AVEN: variants seen among roughly 807,000 people sequenced by gnomAD.
AVEN encodes cell death regulator Aven.
A neutral mutation model predicts 38.1 loss-of-function variants in AVEN; 41 were observed. That is an observed-to-expected ratio of 1.08 (90% CI 0.84 to 1.40). AVEN has a LOEUF of 1.40. AVEN is among the 40% of genes most tolerant of loss of function. The probability of loss-of-function intolerance (pLI) is 0.00; values close to 1 mark genes in which losing one functional copy is unlikely to be tolerated. For synonymous variants in AVEN, 206 were observed against 171.8 expected, an observed-to-expected ratio of 1.20 and a Z score of -1.56; for missense variants, 605 against 438.8, an observed-to-expected ratio of 1.38 and a Z score of -3.38.
chr15:34,019,921 A>G (rs561337233), intron 1 of AVEN, among the ~76,000 whole-genome samples: 2 of 152,366 alleles, frequency 1.3e-5, no homozygotes, highest in South Asian at 4.1e-4. Flanking sequence ...TAGAATTGCA[A>G]AGTCTTAAGC....
intron 2 of AVEN, chr15:33,991,214 A>G (rs1027367734): frequency 1.3e-5 from 2 of 152,214 alleles, no homozygotes; most frequent in Admixed American, 1.3e-4. Flanking sequence ...AAATCCAATA[A>G]AAAGTTTATA....
At chr15:33,876,017 A>C (rs982571572) in intron 2 of AVEN, 22 bp from the exon 3 acceptor site, 1 of 1,599,186 alleles carries the variant, frequency 6.3e-7, no homozygotes, top group African/African-American at 1.3e-5. Context: ...AAAAAAAAAA[A>C]AATTTATGCA....
intron 2 of AVEN, among the ~76,000 whole-genome samples, chr15:33,955,590 T>A (rs1184564797): frequency 6.6e-6 from 1 of 152,142 alleles, no homozygotes; most frequent in Non-Finnish European, 1.5e-5. Context: ...TATTATGAAT[T>A]TTAGAATTCT....
At chr15:34,043,244 C>G (rs1899552073), upstream of AVEN, among the ~76,000 whole-genome samples, 1 of 146,438 alleles carries the variant, frequency 6.8e-6, no homozygotes, top group Admixed American at 6.8e-5. Flanking sequence ...AAGAATCCGT[C>G]TCAAAAAAAA....
At chr15:33,872,401 ATCC>A (rs755273228) in intron 3 of AVEN, among the ~76,000 whole-genome samples, 11 of 152,148 alleles carry the variant, frequency 7.2e-5, no homozygotes, top group Non-Finnish European at 1.5e-4. Context: ...AGACTATTAC[ATCC>A]TCCTCAGAAT....
intron 2 of AVEN, among the ~76,000 whole-genome samples, chr15:33,933,167 A>G (rs1194754579): frequency 6.6e-6 from 1 of 152,230 alleles, no homozygotes; most frequent in Non-Finnish European, 1.5e-5. Flanking sequence ...ACACGCTGGC[A>G]GCTCCAGTAT....
At chr15:33,966,707 G>A (rs1020835533) in intron 2 of AVEN, among the ~76,000 whole-genome samples, 2 of 152,014 alleles carry the variant, frequency 1.3e-5, no homozygotes, top group African/African-American at 2.4e-5. Flanking sequence ...AATGAATTTC[G>A]ACAGGTGAGG....
chr15:33,963,834 A>C (rs1248675292), intron 2 of AVEN, among the ~76,000 whole-genome samples: 1 of 151,632 alleles, frequency 6.6e-6, no homozygotes, highest in African/African-American at 2.4e-5. Flanking sequence ...AAACAAAAAA[A>C]CCCCAAAGCC....
intron 2 of AVEN, among the ~76,000 whole-genome samples, chr15:33,983,223 T>TATATAC (rs1175801204): frequency 2.7e-5 from 3 of 110,656 alleles, no homozygotes; most frequent in African/African-American, 8.2e-5. Context: ...TACATATATA[T>TATATAC]ACACACACAT....
At chr15:33,964,694 G>A (rs1297051516) in intron 2 of AVEN, among the ~76,000 whole-genome samples, 1 of 152,070 alleles carries the variant, frequency 6.6e-6, no homozygotes, top group Non-Finnish European at 1.5e-5. Flanking sequence ...ATTGCTATTT[G>A]AGAGGCCATA....
chr15:34,012,292 A>G (rs1395852921), intron 1 of AVEN, among the ~76,000 whole-genome samples: 2 of 152,094 alleles, frequency 1.3e-5, no homozygotes, highest in Non-Finnish European at 1.5e-5. Context: ...ACACACAATA[A>G]GTAGTGACAC....
chr15:33,914,421 T>G (rs1460638036), intron 2 of AVEN, among the ~76,000 whole-genome samples: 1 of 152,024 alleles, frequency 6.6e-6, no homozygotes, highest in African/African-American at 2.4e-5. Flanking sequence ...AGATGACCTT[T>G]TTAATACATA....
chr15:33,959,314 C>T (rs1303515756), intron 2 of AVEN, among the ~76,000 whole-genome samples: 3 of 152,092 alleles, frequency 2.0e-5, no homozygotes, highest in Admixed American at 2.0e-4. Context: ...CTTCAAGGAC[C>T]TGAATGTGCA....
intron 2 of AVEN, among the ~76,000 whole-genome samples, chr15:33,900,308 A>T (rs1010398636): frequency 6.1e-5 from 9 of 147,840 alleles, no homozygotes; most frequent in East Asian, 2.0e-4. Flanking sequence ...TTGGGAGAAC[A>T]TTTTTTTTTT....
chr15:33,874,899 AT>A (rs1260953877), intron 3 of AVEN, among the ~76,000 whole-genome samples: 2 of 152,238 alleles, frequency 1.3e-5, no homozygotes, highest in Non-Finnish European at 2.9e-5. Flanking sequence ...TTCCTCAACA[AT>A]CTATCTTCGA....
chr15:33,991,842 C>T (rs1309315546), intron 2 of AVEN: 1 of 152,260 alleles, frequency 6.6e-6, no homozygotes, highest in Non-Finnish European at 1.5e-5. Context: ...CACCAAGAAT[C>T]TCTAAACAAA....
intron 2 of AVEN, among the ~76,000 whole-genome samples, chr15:33,924,909 AT>A (rs1209604016): frequency 6.6e-6 from 1 of 152,088 alleles, no homozygotes; most frequent in Admixed American, 6.5e-5. Flanking sequence ...TTATATACAT[AT>A]ATTTTAAAAT....
intron 2 of AVEN, among the ~76,000 whole-genome samples, chr15:34,002,519 TGG>T (rs1289671811): frequency 9.2e-6 from 1 of 108,166 alleles, no homozygotes; most frequent in South Asian, 3.0e-4. Flanking sequence ...ACGGAAAGGC[TGG>T]GTTTTTCACT....
rs181589459 is a variant in AVEN, at chr15:34,007,423, C to G, written c.268-4214G>C. ...AGAACTGTACAGAACATAATTCAGC[C>G]AAATTCTCTGCCACTTTCAAACCAG... On this transcript the variant is annotated intron_variant, in intron 1 of 5. Coordinates refer to ENST00000306730, the MANE Select transcript of AVEN (RefSeq NM_020371.3). Among the ~76,000 whole-genome samples, 646 of 152,304 alleles carry G rather than the reference C, an allele frequency of 4.2e-3. 6 individuals are homozygous for G. Among genetic ancestry groups the G allele is most frequent in the Middle Eastern group, 0.02 (6 of 294 alleles).
Sources: allele counts gnomAD v4.1 joint callset (sites outside exome capture counted in the v4.1 genomes callset), GRCh38; gene constraint gnomAD v4.1.1; transcripts MANE v1.5; gene names NCBI Gene and HGNC (gene_info 2026-07-23, HGNC 2026-07-21).